Variants in CAMK2D observed in about 807,000 individuals in gnomAD.
CAMK2D encodes calcium/calmodulin dependent protein kinase II delta, also known as calcium/calmodulin-dependent protein kinase type II subunit delta.
CAMK2D carries 37 observed loss-of-function variants against 84.0 expected under a neutral mutation model. The ratio of observed to expected loss-of-function variants is 0.44; its 90% CI spans 0.34 to 0.58. The LOEUF (loss-of-function observed/expected upper bound fraction) is 0.58, where lower values mean the gene tolerates loss of function less well. Ranked by LOEUF, CAMK2D falls within the 20% of genes least tolerant of loss-of-function variation. The pLI, the probability that CAMK2D is intolerant of heterozygous loss-of-function variation, is 0.02. For missense variants in CAMK2D, 448 were observed against 652.5 expected (o/e 0.69, Z 3.41); for synonymous variants, 202 against 212.5 (o/e 0.95, Z 0.43).
chr4:113,608,351 CAG>C (rs2098986394), intron 4 of CAMK2D, among the ~76,000 whole-genome samples: 1 of 152,158 alleles, frequency 6.6e-6, no homozygotes, highest in African/African-American at 2.4e-5. Flanking sequence ...AAATGCTAGG[CAG>C]TAGTCCATTA....
At chr4:113,499,036 G>T (rs143121696) in intron 16 of CAMK2D, among the ~76,000 whole-genome samples, 72 of 152,146 alleles carry the variant, frequency 4.7e-4, no homozygotes, top group Non-Finnish European at 1.5e-5. Context: ...CTTGCTCAAG[G>T]GAAGAATGTG....
intron 3 of CAMK2D, among the ~76,000 whole-genome samples, chr4:113,621,358 A>G (rs1200515090): frequency 6.6e-6 from 1 of 152,218 alleles, no homozygotes; most frequent in East Asian, 1.9e-4. Flanking sequence ...AATGTTCTCA[A>G]TAAAAACACC....
chr4:113,734,943 C>G (rs1206342606), intron 2 of CAMK2D, among the ~76,000 whole-genome samples: 2 of 144,276 alleles, frequency 1.4e-5, no homozygotes, highest in South Asian at 4.4e-4. Context: ...TGATCTAAAA[C>G]ATTTTACTAT....
intron 5 of CAMK2D, among the ~76,000 whole-genome samples, chr4:113,549,568 G>A (rs1173517240): frequency 6.6e-6 from 1 of 152,196 alleles, no homozygotes; most frequent in African/African-American, 2.4e-5. Context: ...AGAAATCCTT[G>A]TTTGGCACCT....
intron 3 of CAMK2D, among the ~76,000 whole-genome samples, chr4:113,628,760 C>T (rs1209868578): frequency 6.6e-6 from 1 of 151,850 alleles, no homozygotes; most frequent in Admixed American, 6.6e-5. Context: ...CTTTTAAGGA[C>T]AATAAAATCA....
At chr4:113,488,403 G>A (rs1022083581) in intron 16 of CAMK2D, among the ~76,000 whole-genome samples, 2 of 152,040 alleles carry the variant, frequency 1.3e-5, no homozygotes, top group African/African-American at 2.4e-5. Context: ...GAATTTTTGC[G>A]TGAGTGGAAA....
intron 3 of CAMK2D, among the ~76,000 whole-genome samples, chr4:113,638,105 C>T (rs1357133928): frequency 6.6e-6 from 1 of 152,178 alleles, no homozygotes; most frequent in East Asian, 1.9e-4. Context: ...TGAATCCTTT[C>T]TGAAGCTAAG....
chr4:113,710,728 G>A (rs1350538564), intron 2 of CAMK2D, among the ~76,000 whole-genome samples: 1 of 152,132 alleles, frequency 6.6e-6, no homozygotes, highest in Admixed American at 6.6e-5. Context: ...AACTTCAGCA[G>A]CTAGGCAAGG....
At chr4:113,644,056 CAGA>C (rs1354056011) in intron 3 of CAMK2D, among the ~76,000 whole-genome samples, 4 of 152,042 alleles carry the variant, frequency 2.6e-5, no homozygotes, top group Admixed American at 1.3e-4. Context: ...CTATTATTGT[CAGA>C]AGAAGTTTGT....
chr4:113,627,541 A>T (rs952393382), intron 3 of CAMK2D, among the ~76,000 whole-genome samples: 1 of 152,130 alleles, frequency 6.6e-6, no homozygotes, highest in Non-Finnish European at 1.5e-5. Context: ...TTGACATTGA[A>T]CCCACAGTAA....
Position 113,761,488 on chromosome 4 carries a change from G to C in CAMK2D, c.-420C>G. Reference sequence around the variant, plus strand: ...GGAGCAGGAGGAGTAGAAGCAGAGGGGAGGGAGTCCGAGGGGGCGGAGGTG... The same window carrying C: ...GGAGCAGGAGGAGTAGAAGCAGAGGCGAGGGAGTCCGAGGGGGCGGAGGTG... On this transcript the variant is annotated 5_prime_UTR_variant, in exon 1 of 21. Coordinates refer to ENST00000511664, the MANE Select transcript of CAMK2D (RefSeq NM_001321571.2). The C allele has an allele frequency of 9.4e-7, 1 of 1,065,708 alleles. No individual in the cohort carries two copies. The allele number at this position is 1,065,708 out of a possible 1,614,324, so 66.0% of individuals were successfully genotyped here.
chr4:113,502,621 C>T (rs1463245679), intron 15 of CAMK2D, among the ~76,000 whole-genome samples: 1 of 151,690 alleles, frequency 6.6e-6, no homozygotes, highest in East Asian at 1.9e-4. Flanking sequence ...CAGTACAAAG[C>T]ACAAAGTCAT....
intron 6 of CAMK2D, among the ~76,000 whole-genome samples, chr4:113,545,053 CTTCT>C (rs2098556644): frequency 1.3e-5 from 2 of 152,150 alleles, no homozygotes; most frequent in South Asian, 4.1e-4. Context: ...ATATACTTAT[CTTCT>C]TTATGTTATT....
rs901134690 is a variant in CAMK2D, at chr4:113,454,484, G to C, written c.*61C>G. ...TCACCATCCAGGTGCCTTGAGAACAGAGAATGCAGAAGTGGCACTGTTGAA... is the reference window on the plus strand; with the variant it reads ...TCACCATCCAGGTGCCTTGAGAACACAGAATGCAGAAGTGGCACTGTTGAA... On this transcript the variant is annotated 3_prime_UTR_variant, in exon 21 of 21. Coordinates refer to ENST00000511664, the MANE Select transcript of CAMK2D (RefSeq NM_001321571.2). The C allele has an allele frequency of 2.6e-6, 2 of 778,878 alleles. No individual in the cohort carries two copies. The highest frequency in any genetic ancestry group is 1.7e-5 in the Admixed American group (1 of 58,876). 48.2% of individuals were successfully genotyped at this position (778,878 alleles called of 1,614,324 possible).
intron 4 of CAMK2D, among the ~76,000 whole-genome samples, chr4:113,577,962 G>C (rs1249525027): frequency 6.6e-6 from 1 of 152,112 alleles, no homozygotes; most frequent in African/African-American, 2.4e-5. Context: ...TGGAATGCTA[G>C]GAGTTTCACA....
intron 12 of CAMK2D, among the ~76,000 whole-genome samples, chr4:113,510,972 T>C (rs918966012): frequency 2.6e-5 from 4 of 152,062 alleles, no homozygotes; most frequent in Admixed American, 1.3e-4. Flanking sequence ...CTGTGGCAGT[T>C]AATAGGTTAG....
intron 3 of CAMK2D, among the ~76,000 whole-genome samples, chr4:113,645,124 C>G (rs1044803794): frequency 9.2e-5 from 14 of 152,194 alleles, no homozygotes; most frequent in Non-Finnish European, 1.0e-4. Context: ...TCACGCCATT[C>G]TCCTGCCTTA....
At chr4:113,702,737 C>T (rs1307818133) in intron 2 of CAMK2D, among the ~76,000 whole-genome samples, 2 of 152,046 alleles carry the variant, frequency 1.3e-5, no homozygotes, top group African/African-American at 2.4e-5. Context: ...GGCGAAATCT[C>T]ATCTCTACTA....
At chr4:113,587,588 G>C (rs2098839770) in intron 4 of CAMK2D, among the ~76,000 whole-genome samples, 1 of 152,104 alleles carries the variant, frequency 6.6e-6, no homozygotes, top group African/African-American at 2.4e-5. Context: ...GAAGGATTGA[G>C]GTTGCTTTGA....
Sources: gnomAD v4.1 joint callset for allele counts (sites outside exome capture counted in the v4.1 genomes callset) on GRCh38, gnomAD v4.1.1 for gene constraint, MANE v1.5 for transcripts, NCBI Gene and HGNC (gene_info 2026-07-23, HGNC 2026-07-21) for gene names.